MAPT: variants seen among roughly 807,000 people sequenced by gnomAD.
MAPT encodes microtubule associated protein tau.
In MAPT, 34 loss-of-function variants were observed where a neutral mutation model predicts 67.9. The observed-to-expected ratio is 0.50, with a 90% CI of 0.38 to 0.67. The LOEUF (loss-of-function observed/expected upper bound fraction) is 0.67. MAPT is among the 30% of genes least tolerant of loss of function. The pLI is 0.00. For missense variants in MAPT, 881 were observed against 1,115.2 expected, an observed-to-expected ratio of 0.79 and a Z score of 2.99; for synonymous variants, 456 against 464.5, an observed-to-expected ratio of 0.98 and a Z score of 0.23.
intron 5 of MAPT, chr17:45,985,878 C>T (rs2435211): frequency 0.3 from 60,215 of 202,200 alleles, 9,111 homozygotes; most frequent in Middle Eastern, 0.34. Flanking sequence ...AGTTGGAAAA[C>T]CTCTGGGCAT....
intron 1 of MAPT, among the ~76,000 whole-genome samples, chr17:45,904,241 ATATATATTATATAT>A (rs1231933367): frequency 4.1e-5 from 2 of 48,292 alleles, no homozygotes; most frequent in African/African-American, 7.1e-5. Context: ...ATATATTATA[ATATATATTATATAT>A]TATATATTAT....
At chr17:45,978,734 G>A in intron 4 of MAPT, 1 of 386,370 alleles carries the variant, frequency 2.6e-6, no homozygotes, top group Non-Finnish European at 4.7e-6. Context: ...GCCGGGCCTG[G>A]TGGCTCACGC....
chr17:46,003,022 G>A (rs896246645), intron 9 of MAPT, among the ~76,000 whole-genome samples: 1 of 152,050 alleles, frequency 6.6e-6, no homozygotes, highest in Non-Finnish European at 1.5e-5. Flanking sequence ...GGGCTCAAGT[G>A]ATCCTCCTGC....
At chr17:45,910,123 A>G (rs942714323) in intron 1 of MAPT, among the ~76,000 whole-genome samples, 1 of 152,150 alleles carries the variant, frequency 6.6e-6, no homozygotes, top group African/African-American at 2.4e-5. Context: ...GGAGAGTGAT[A>G]TGGGGGCACT....
At chr17:45,958,916 C>A (rs527395280) in intron 1 of MAPT, among the ~76,000 whole-genome samples, 1 of 151,490 alleles carries the variant, frequency 6.6e-6, no homozygotes, top group Non-Finnish European at 1.5e-5. Context: ...TACAAAAATT[C>A]GCCAAGCGTG....
At chr17:45,902,359 C>T (rs528124977) in intron 1 of MAPT, among the ~76,000 whole-genome samples, 7 of 152,104 alleles carry the variant, frequency 4.6e-5, no homozygotes, top group Middle Eastern at 3.4e-3. Flanking sequence ...TGTGAGCCAC[C>T]GCGCCCGGCC....
intron 1 of MAPT, among the ~76,000 whole-genome samples, chr17:45,941,896 G>A (rs564345639): frequency 8.5e-5 from 13 of 152,068 alleles, no homozygotes; most frequent in Non-Finnish European, 1.5e-4. Context: ...ACCTAGGTGT[G>A]TGCTTCTGAC....
At position 45,962,396 on chromosome 17, in the gene MAPT, T is replaced by TG; in HGVS notation, c.64dup (p.Asp22GlyfsTer17). On this transcript the variant is annotated frameshift_variant, in exon 2 of 13. Coordinates refer to ENST00000262410, the MANE Select transcript of MAPT (RefSeq NM_001377265.1). LOFTEE classifies it high-confidence loss of function. The stretch of plus-strand genomic sequence containing the variant: ...GAAGATCACGCTGGGACGTACGGGT[T>TG]GGGGGACAGGAAAGATCAGGGGGGC... 1 of 1,612,432 alleles carries TG rather than the reference T, an allele frequency of 6.2e-7. No homozygotes were observed. The highest frequency in any genetic ancestry group is 8.5e-7 in the Non-Finnish European group (1 of 1,179,904).
At chr17:45,917,369 A>C (rs2065288714) in intron 1 of MAPT, among the ~76,000 whole-genome samples, 1 of 152,218 alleles carries the variant, frequency 6.6e-6, no homozygotes, top group African/African-American at 2.4e-5. Context: ...GAGAAAAATA[A>C]ATCAAAACAA....
chr17:46,023,517 CAGG>C (rs1165014740), intron 12 of MAPT, among the ~76,000 whole-genome samples: 1 of 152,034 alleles, frequency 6.6e-6, no homozygotes, highest in East Asian at 1.9e-4. Flanking sequence ...GGAGTGGGCA[CAGG>C]TATTACCAAT....
chr17:45,954,402 G>T (rs1443707396), intron 1 of MAPT, among the ~76,000 whole-genome samples: 3 of 152,028 alleles, frequency 2.0e-5, no homozygotes, highest in African/African-American at 4.8e-5. Context: ...CAGGCGGATC[G>T]CTTGAGCTCT....
intron 1 of MAPT, among the ~76,000 whole-genome samples, chr17:45,922,245 C>G (rs1028762089): frequency 1.6e-4 from 25 of 152,222 alleles, no homozygotes; most frequent in African/African-American, 6.0e-4. Flanking sequence ...CCGCGGCCAG[C>G]CATAACTCTG....
chr17:45,919,733 C>T (rs980750780), intron 1 of MAPT, among the ~76,000 whole-genome samples: 6 of 152,162 alleles, frequency 3.9e-5, no homozygotes, highest in African/African-American at 1.2e-4. Context: ...ATAGTGAGAC[C>T]GCGTCTCTAC....
intron 1 of MAPT, among the ~76,000 whole-genome samples, chr17:45,919,358 C>T (rs985356430): frequency 2.0e-5 from 3 of 151,846 alleles, no homozygotes; most frequent in African/African-American, 4.8e-5. Flanking sequence ...GCGCCCCCCC[C>T]GCCTGCCCTC....
At chr17:45,910,457 G>A (rs2064688404) in intron 1 of MAPT, among the ~76,000 whole-genome samples, 1 of 151,872 alleles carries the variant, frequency 6.6e-6, no homozygotes, top group Admixed American at 6.6e-5. Context: ...TGCTCCCTGG[G>A]GCATGGTCTT....
intron 1 of MAPT, among the ~76,000 whole-genome samples, chr17:45,925,937 G>A (rs942585740): frequency 3.9e-5 from 6 of 152,102 alleles, no homozygotes; most frequent in African/African-American, 7.2e-5. Context: ...TAGGTCAGGC[G>A]AGGTGGCTCA....
rs114838482 is a variant in MAPT at position 46,024,135 on chromosome 17, C to T, written c.2466C>T (p.Asp822=). 1.5e-5 allele frequency: 24 copies of T among 1,614,118 alleles called. No homozygotes were observed. The highest frequency in any genetic ancestry group is 8.9e-5 in the East Asian group (4 of 44,876). ...CGCCCCAGCTCGCCACGCTAGCTGA[C>T]GAGGTGTCTGCCTCCCTGGCCAAGC... is the stretch of plus-strand genomic sequence containing the variant. ...VDSPQLATLA[D]EVSASLAKQG... The change falls in exon 13 of 13, where the codon GAC becomes GAT. Residue 822 remains aspartate, a synonymous_variant. Coordinates refer to ENST00000262410, the MANE Select transcript of MAPT (RefSeq NM_001377265.1).
chr17:46,017,896 A>G (rs1383502358), intron 11 of MAPT, among the ~76,000 whole-genome samples: 1 of 151,432 alleles, frequency 6.6e-6, no homozygotes, highest in Non-Finnish European at 1.5e-5. Context: ...CTGTAATCCC[A>G]GCACTTTGGG....
At position 45,999,662 on chromosome 17, in the gene MAPT, T is replaced by C. The variant is rs200384262; in HGVS notation, c.1998+2998T>C. 1.9e-4 allele frequency: 300 copies of C among 1,599,236 alleles called. 2 individuals carry two copies. In the African/African-American group the frequency reaches 3.5e-3, roughly 19 times the overall value. On this transcript the variant is annotated intron_variant, in intron 9 of 12. Transcript: ENST00000262410. The stretch of plus-strand genomic sequence containing the variant: ...GAGAGTCAGGCGACCTCATGCCAAG[T>C]GTAGAAAGGGGCAGATGGGAGCCCC...
Sources: gnomAD v4.1 joint callset for allele counts (sites outside exome capture counted in the v4.1 genomes callset) on GRCh38, gnomAD v4.1.1 for gene constraint, MANE v1.5 for transcripts, NCBI Gene and HGNC (gene_info 2026-07-23, HGNC 2026-07-21) for gene names.